Variants in ANKRD12 observed in about 807,000 individuals in gnomAD.
The protein encoded by ANKRD12 is ankyrin repeat domain-containing protein 12.
ANKRD12 carries 85 observed loss-of-function variants against 183.4 expected under a neutral mutation model. The observed-to-expected ratio is 0.46, with a 90% CI of 0.39 to 0.56. The LOEUF (loss-of-function observed/expected upper bound fraction) is 0.56. ANKRD12 is among the 20% of genes least tolerant of loss of function. The pLI is 0.00. For synonymous variants in ANKRD12, 914 were observed against 800.2 expected (o/e 1.14, Z -2.40); for missense variants, 2,405 against 2,357.1 (o/e 1.02, Z -0.42).
intron 1 of ANKRD12, among the ~76,000 whole-genome samples, chr18:9,141,896 T>C (rs982930384): frequency 1.3e-5 from 2 of 152,178 alleles, no homozygotes; most frequent in African/African-American, 2.4e-5. Flanking sequence ...ATTGGGGAAT[T>C]GTTAACCTTT....
At chr18:9,230,346 T>C (rs1478569404) in intron 8 of ANKRD12, among the ~76,000 whole-genome samples, 1 of 152,134 alleles carries the variant, frequency 6.6e-6, no homozygotes, top group African/African-American at 2.4e-5. Flanking sequence ...TATTTCTGAT[T>C]TTGTTTGGAT....
chr18:9,165,004 G>A (rs1382155362), intron 1 of ANKRD12, among the ~76,000 whole-genome samples: 4 of 152,108 alleles, frequency 2.6e-5, no homozygotes, highest in Admixed American at 2.6e-4. Flanking sequence ...GGGTGTTAAA[G>A]TCTCCCACTA....
In ANKRD12 at chr18:9,280,864, G is replaced by C. The variant is rs1445585021; in HGVS notation, c.6004-77G>C. 2.1e-6 allele frequency: 3 copies of C among 1,411,272 alleles called. No individual in the cohort carries two copies. In the Admixed American group the frequency reaches 6.5e-5, roughly 31 times the overall value. 87.4% of individuals were successfully genotyped at this position (1,411,272 alleles called of 1,614,324 possible). A position where few individuals can be genotyped will look rare whatever the true frequency, so the allele number is the denominator to read the frequency against. On this transcript the variant is annotated intron_variant, in intron 12 of 12. Coordinates refer to ENST00000262126, the MANE Select transcript of ANKRD12 (RefSeq NM_015208.5). ...TGATGTGTCCATTTTAGTTCCTAAA[G>C]AAACTGGATGAGATTAATTTTTAAA...
intron 1 of ANKRD12, among the ~76,000 whole-genome samples, chr18:9,150,435 AAGC>A (rs1429856964): frequency 1.3e-5 from 2 of 152,164 alleles, no homozygotes; most frequent in Non-Finnish European, 2.9e-5. Context: ...TTGCTGATAA[AAGC>A]AGTACATTTC....
chr18:9,196,417 A>G (rs902655566), intron 3 of ANKRD12, among the ~76,000 whole-genome samples: 60 of 152,176 alleles, frequency 3.9e-4, no homozygotes, highest in African/African-American at 1.4e-3. Flanking sequence ...ATAAACTTGA[A>G]TGTATGTATT....
At chr18:9,206,000 G>A (rs1390394142) in intron 4 of ANKRD12, among the ~76,000 whole-genome samples, 3 of 151,928 alleles carry the variant, frequency 2.0e-5, no homozygotes, top group Non-Finnish European at 4.4e-5. Flanking sequence ...ATTTATTCTG[G>A]CAAGACCTAA....
In ANKRD12 at chr18:9,258,106, T is replaced by G; in HGVS notation, c.4839T>G (p.Ser1613=). ...CATTTAGCAAACTAACTTACAAGTC[T>G]TCCAGTGGCCATGAAGTTGAGAATA... ...HYAFSKLTYK[S]SSGHEVENST... is the part of the protein sequence containing the mutation. The change falls in exon 9 of 13, where the codon TCT becomes TCG. Residue 1613 remains serine, a synonymous_variant. Transcript: ENST00000262126. The G allele has an allele frequency of 6.2e-7, 1 of 1,613,484 alleles. No homozygotes were observed. The highest frequency in any genetic ancestry group is 1.1e-5 in the South Asian group (1 of 91,086).
chr18:9,231,108 C>T (rs2037020665), intron 8 of ANKRD12, among the ~76,000 whole-genome samples: 2 of 152,148 alleles, frequency 1.3e-5, no homozygotes, highest in South Asian at 4.1e-4. Context: ...TTTCTAGTTT[C>T]ATCCCATTGT....
chr18:9,205,845 A>G (rs1598554570), intron 4 of ANKRD12, among the ~76,000 whole-genome samples: 2 of 152,066 alleles, frequency 1.3e-5, no homozygotes, highest in South Asian at 2.1e-4. Flanking sequence ...TCTTATAGTG[A>G]CTACTTTGTG....
At chr18:9,268,308 A>G (rs1206328712) in intron 10 of ANKRD12, among the ~76,000 whole-genome samples, 2 of 152,160 alleles carry the variant, frequency 1.3e-5, no homozygotes, top group Non-Finnish European at 2.9e-5. Flanking sequence ...TGGCAGAGAC[A>G]CAACAACAAA....
intron 6 of ANKRD12, among the ~76,000 whole-genome samples, chr18:9,212,797 T>A (rs2144651439): frequency 6.6e-6 from 1 of 152,018 alleles, no homozygotes; most frequent in Non-Finnish European, 1.5e-5. Context: ...TTATTAACAA[T>A]CTGAAGAATG....
rs191984666 is a variant in ANKRD12, at chr18:9,200,097, T to A, written c.236-4379T>A. Among the ~76,000 whole-genome samples the A allele has an allele frequency of 3.3e-3, 510 of 152,336 alleles. 2 individuals are homozygous for A. The highest frequency in any genetic ancestry group is 0.011 in the African/African-American group (448 of 41,568). On this transcript the variant is annotated intron_variant, in intron 3 of 12. Transcript: ENST00000262126. ...CTGAATGAGAGATTCCTAGCCTTCATTTTGCGAGATATCGTAGTGTGTCTT... is the reference window on the plus strand; with the variant it reads ...CTGAATGAGAGATTCCTAGCCTTCAATTTGCGAGATATCGTAGTGTGTCTT...
intron 2 of ANKRD12, among the ~76,000 whole-genome samples, chr18:9,188,369 G>A (rs908402285): frequency 5.9e-5 from 9 of 152,304 alleles, no homozygotes; most frequent in African/African-American, 2.2e-4. Context: ...TTTAGAGGGA[G>A]ACACTACCTC....
Position 9,195,650 on chromosome 18 carries a change from C to G in ANKRD12, c.187C>G (p.Pro63Ala). The change falls in exon 3 of 13, where the codon CCT becomes GCT. Residue 63 changes from proline (P) to alanine (A), a missense_variant. Physicochemically the swap from Pro to Ala is conservative, Grantham distance 27. Around this residue, in one of 7 missense-constraint regions of ANKRD12, gnomAD observed 145 missense variants for 145.6 expected, o/e 1.00. Transcript: ENST00000262126. ...KEKSSMKRKL[P>A]FTISPSRNEE... The stretch of plus-strand genomic sequence containing the variant: ...GAAATCATCCATGAAACGTAAACTT[C>G]CTTTTACTATTAGCCCATCAAGAAA... The G allele has an allele frequency of 6.2e-7, 1 of 1,612,540 alleles. No homozygotes were observed. Among genetic ancestry groups the G allele is most frequent in the South Asian group, 1.1e-5 (1 of 90,988 alleles).
chr18:9,151,758 A>C (rs1277138934), intron 1 of ANKRD12, among the ~76,000 whole-genome samples: 2 of 152,234 alleles, frequency 1.3e-5, no homozygotes, highest in African/African-American at 4.8e-5. Context: ...AGGAACTTGC[A>C]TTCCTTGCTC....
At chr18:9,272,651 T>A (rs573940282) in intron 10 of ANKRD12, among the ~76,000 whole-genome samples, 1 of 152,332 alleles carries the variant, frequency 6.6e-6, no homozygotes, top group African/African-American at 2.4e-5. Context: ...TCTGCAGGAC[T>A]ACAACCAACT....
At chr18:9,171,186 A>G (rs2032687783) in intron 1 of ANKRD12, among the ~76,000 whole-genome samples, 1 of 152,194 alleles carries the variant, frequency 6.6e-6, no homozygotes, top group Non-Finnish European at 1.5e-5. Context: ...GCCCGTTGTC[A>G]GATCTCAAGC....
intron 8 of ANKRD12, among the ~76,000 whole-genome samples, chr18:9,253,721 A>G (rs1021300061): frequency 2.0e-5 from 3 of 152,336 alleles, no homozygotes; most frequent in South Asian, 4.1e-4. Context: ...AAGATAGGCA[A>G]TAATGAATGC....
At chr18:9,184,638 T>C (rs1450236373) in intron 2 of ANKRD12, among the ~76,000 whole-genome samples, 1 of 152,140 alleles carries the variant, frequency 6.6e-6, no homozygotes, top group African/African-American at 2.4e-5. Flanking sequence ...CCCAAAGTGC[T>C]GGGATTACAA....
Sources: gnomAD v4.1 joint callset for allele counts (sites outside exome capture counted in the v4.1 genomes callset) on GRCh38, gnomAD v4.1.1 for gene constraint, gnomAD v4.1.1 regional missense constraint, MANE v1.5 for transcripts, NCBI Gene and HGNC (gene_info 2026-07-23, HGNC 2026-07-21) for gene names.